NKAIN2: variants seen among roughly 807,000 people sequenced by gnomAD.
The protein encoded by NKAIN2 is sodium/potassium transporting ATPase interacting 2, also known as sodium/potassium-transporting ATPase subunit beta-1-interacting protein 2.
Under a neutral mutation model 32.6 loss-of-function variants are expected in NKAIN2, and 14 were observed. That is an observed-to-expected ratio of 0.43 (90% CI 0.28 to 0.67). NKAIN2 has a LOEUF of 0.67. NKAIN2 is among the 30% of genes least tolerant of loss of function. The probability of loss-of-function intolerance (pLI) is 0.17; values close to 1 mark genes in which losing one functional copy is unlikely to be tolerated. For missense variants in NKAIN2, 198 were observed against 258.3 expected, an observed-to-expected ratio of 0.77 and a Z score of 1.60; for synonymous variants, 80 against 87.2, an observed-to-expected ratio of 0.92 and a Z score of 0.46.
In NKAIN2 at chr6:124,272,283, G is replaced by C. The variant is rs181994099; in HGVS notation, c.55-10722G>C. On this transcript the variant is annotated intron_variant, in intron 1 of 6. Coordinates refer to ENST00000368417, the MANE Select transcript of NKAIN2 (RefSeq NM_001040214.3). Reference sequence around the variant, plus strand: ...ATTGTATTCATGGGCTGGTCCCAGGGCTCTGCTGCTCTGTGCAGCCTCAGC... The same window carrying C: ...ATTGTATTCATGGGCTGGTCCCAGGCCTCTGCTGCTCTGTGCAGCCTCAGC... 1.2e-3 allele frequency among the ~76,000 whole-genome samples: 184 copies of C among 152,282 alleles called. 1 individual carries two copies. The highest frequency in any genetic ancestry group is 4.3e-3 in the African/African-American group (177 of 41,556).
intron 3 of NKAIN2, among the ~76,000 whole-genome samples, chr6:124,529,120 G>T (rs1779424999): frequency 6.6e-6 from 1 of 152,110 alleles, no homozygotes; most frequent in Non-Finnish European, 1.5e-5. Context: ...TCCAGGTAAA[G>T]AAATAATTTC....
intron 1 of NKAIN2, among the ~76,000 whole-genome samples, chr6:124,114,753 G>C (rs1785532604): frequency 6.6e-6 from 1 of 152,150 alleles, no homozygotes; most frequent in African/African-American, 2.4e-5. Context: ...CAATAGAGAA[G>C]TAGTGATTAA....
intron 1 of NKAIN2, among the ~76,000 whole-genome samples, chr6:124,241,627 A>G (rs1374026678): frequency 6.6e-6 from 1 of 152,120 alleles, no homozygotes; most frequent in Non-Finnish European, 1.5e-5. Context: ...AACCTGACAA[A>G]AACAAGCAAC....
At chr6:124,061,852 T>C (rs1782930689) in intron 1 of NKAIN2, among the ~76,000 whole-genome samples, 2 of 152,234 alleles carry the variant, frequency 1.3e-5, no homozygotes, top group Non-Finnish European at 1.5e-5. Flanking sequence ...AGAAATGATA[T>C]CTGTAATTAA....
At chr6:124,278,652 TATATATATATATATATATATATATA>T (rs1031648540) in intron 1 of NKAIN2, among the ~76,000 whole-genome samples, 3 of 48,808 alleles carry the variant, frequency 6.1e-5, no homozygotes, top group African/African-American at 3.5e-4. Flanking sequence ...ACATAGCTCA[TATATATATATATATATATATATATA>T]TATATATATA....
chr6:124,787,439 A>C (rs989052132), intron 4 of NKAIN2, among the ~76,000 whole-genome samples: 8 of 152,136 alleles, frequency 5.3e-5, no homozygotes, highest in African/African-American at 1.9e-4. Context: ...AATGCAAAAA[A>C]AGAATGAGTT....
Position 124,476,884 on chromosome 6 carries a change from G to A in NKAIN2, c.273+121537G>A, listed in dbSNP as rs929993687. Among the ~76,000 whole-genome samples the A allele has an allele frequency of 2.7e-4, 41 of 152,082 alleles. 1 individual carries two copies. The highest frequency in any genetic ancestry group is 8.8e-5 in the Non-Finnish European group (6 of 68,026). On this transcript the variant is annotated intron_variant, in intron 3 of 6. Transcript: ENST00000368417. ...GGGGTGGACCCTAGATATGAATTTA[G>A]GCAAGCTTCTGTTTACAACAATTAT...
At chr6:124,574,439 G>A (rs575833294) in intron 3 of NKAIN2, among the ~76,000 whole-genome samples, 3 of 152,182 alleles carry the variant, frequency 2.0e-5, no homozygotes, top group South Asian at 2.1e-4. Flanking sequence ...CCAACGTGGC[G>A]AAACCCTGTC....
intron 5 of NKAIN2, among the ~76,000 whole-genome samples, chr6:124,807,518 A>T (rs1380459382): frequency 6.6e-6 from 1 of 150,842 alleles, no homozygotes; most frequent in South Asian, 2.2e-4. Context: ...ATAGCACTAA[A>T]TGCCCACAAG....
intron 1 of NKAIN2, among the ~76,000 whole-genome samples, chr6:124,175,723 T>C (rs1789121964): frequency 6.6e-6 from 1 of 152,138 alleles, no homozygotes; most frequent in Non-Finnish European, 1.5e-5. Flanking sequence ...CCAAAGTCTT[T>C]AGTTTATCAA....
intron 3 of NKAIN2, among the ~76,000 whole-genome samples, chr6:124,466,085 C>G (rs930912460): frequency 2.0e-5 from 3 of 151,278 alleles, no homozygotes; most frequent in African/African-American, 7.3e-5. Flanking sequence ...TAATGTTTTA[C>G]ACACAACGTT....
intron 3 of NKAIN2, among the ~76,000 whole-genome samples, chr6:124,508,437 C>T (rs948291674): frequency 3.3e-5 from 5 of 151,772 alleles, no homozygotes; most frequent in South Asian, 4.2e-4. Flanking sequence ...CTCCGCCTCC[C>T]GGGTTCACGC....
In NKAIN2 at chr6:124,355,319, T is replaced by A; in HGVS notation, c.245T>A (p.Phe82Tyr). ...ACGTGGAATGTGTTTGTTATCTGCT[T>A]CTATTTGGAGGCTGGGGACCTCTCA... ...WVTWNVFVIC[F>Y]YLEAGDLSKE... Residue 82 changes from phenylalanine (F) to tyrosine (Y), a missense_variant, in exon 3 of 7, where the codon TTC becomes TAC. Coordinates refer to ENST00000368417, the MANE Select transcript of NKAIN2 (RefSeq NM_001040214.3). 1 of 1,610,442 alleles carries A rather than the reference T, an allele frequency of 6.2e-7. No homozygotes were observed. The highest frequency in any genetic ancestry group is 8.5e-7 in the Non-Finnish European group (1 of 1,176,704).
At chr6:124,414,044 A>T (rs1562168843) in intron 3 of NKAIN2, among the ~76,000 whole-genome samples, 2 of 151,568 alleles carry the variant, frequency 1.3e-5, no homozygotes, top group African/African-American at 4.8e-5. Flanking sequence ...ATTACATTGC[A>T]CTAATTAGAA....
intron 1 of NKAIN2, among the ~76,000 whole-genome samples, chr6:123,969,298 T>A (rs1778230681): frequency 6.6e-6 from 1 of 152,108 alleles, no homozygotes; most frequent in Non-Finnish European, 1.5e-5. Context: ...AAAACATATA[T>A]TTTTATAAGG....
chr6:123,883,708 TAAAAAAGAGGTACA>T (rs1773573936), intron 1 of NKAIN2, among the ~76,000 whole-genome samples: 1 of 150,130 alleles, frequency 6.7e-6, no homozygotes, highest in Admixed American at 6.6e-5. Context: ...CCAGGCAATT[TAAAAAAGAGGTACA>T]TTTTAAAAAA....
At chr6:124,372,676 A>C (rs993198289) in intron 3 of NKAIN2, among the ~76,000 whole-genome samples, 66 of 152,310 alleles carry the variant, frequency 4.3e-4, no homozygotes, top group Non-Finnish European at 1.2e-4. Flanking sequence ...GTATATTCCA[A>C]GTATACTTTT....
chr6:124,139,720 AT>A lies in NKAIN2; in HGVS notation c.55-143278del, dbSNP rs967908211. On this transcript the variant is annotated intron_variant, in intron 1 of 6. Transcript: ENST00000368417. ...CTATAAGATTTAAAGGTCTTAATAT[AT>A]TTTTTTCCTGAAAATTACTTTAAAT... Among the ~76,000 whole-genome samples, 7 of 152,236 alleles carry A rather than the reference AT, an allele frequency of 4.6e-5. No individual in the cohort carries two copies. The East Asian group carries it at 5.8e-4, about 13-fold the overall frequency.
chr6:124,040,321 C>T (rs1479953057), intron 1 of NKAIN2, among the ~76,000 whole-genome samples: 2 of 151,466 alleles, frequency 1.3e-5, no homozygotes, highest in East Asian at 3.9e-4. Context: ...TTCTGTTTTC[C>T]TGAGGTTTCA....
Sources: gnomAD v4.1 joint callset for allele counts (sites outside exome capture counted in the v4.1 genomes callset) on GRCh38, gnomAD v4.1.1 for gene constraint, MANE v1.5 for transcripts, NCBI Gene and HGNC (gene_info 2026-07-23, HGNC 2026-07-21) for gene names.